Variants in TRMT6 observed in about 807,000 individuals in gnomAD.
TRMT6 encodes tRNA methyltransferase 6 non-catalytic subunit, also known as tRNA (adenine(58)-N(1))-methyltransferase non-catalytic subunit TRM6.
A neutral mutation model predicts 59.0 loss-of-function variants in TRMT6; 34 were observed. The observed-to-expected ratio is 0.58, with a 90% CI of 0.44 to 0.77. The LOEUF is 0.77. Among genes scored for constraint, TRMT6 ranks in the 30% least tolerant of loss-of-function variants. The pLI is 0.00. For missense variants in TRMT6, 575 were observed against 604.5 expected (o/e 0.95, Z 0.51); for synonymous variants, 217 against 210.5 (o/e 1.03, Z -0.27).
intron 10 of TRMT6, 28 bp from the exon 11 acceptor site, chr20:5,938,754 C>T (rs1349272701): frequency 1.2e-6 from 2 of 1,605,330 alleles, no homozygotes; most frequent in Admixed American, 1.7e-5. Flanking sequence ...GACATTCATG[C>T]TTTCCTAAGA....
At chr20:5,944,334 A>T (rs534528651) in intron 3 of TRMT6, 81 bp from the exon 4 acceptor site, 64 of 764,378 alleles carry the variant, frequency 8.4e-5, no homozygotes, top group South Asian at 4.4e-4. Flanking sequence ...TTACCCAAGA[A>T]TGGATCCAAT....
At chr20:5,940,815 G>A (rs2088649349) in intron 10 of TRMT6, among the ~76,000 whole-genome samples, 1 of 139,438 alleles carries the variant, frequency 7.2e-6, no homozygotes, top group East Asian at 2.1e-4. Flanking sequence ...ACAGGGTCAT[G>A]CCCAGCCAAT....
chr20:5,947,133 C>T (rs2088714584), intron 1 of TRMT6, among the ~76,000 whole-genome samples: 1 of 152,194 alleles, frequency 6.6e-6, no homozygotes, highest in African/African-American at 2.4e-5. Context: ...GAAGAGCAAT[C>T]CGAGGCCCAG....
Position 5,949,145 on chromosome 20 carries a change from G to T in TRMT6, c.128+1133C>A, listed in dbSNP as rs181280223. Reference sequence around the variant, plus strand: ...AGGCGGGTGGATCACCTGAGGTCAGGAGTTCGAGATCAGCCTGGCCAACAT... The same window carrying T: ...AGGCGGGTGGATCACCTGAGGTCAGTAGTTCGAGATCAGCCTGGCCAACAT... On this transcript the variant is annotated intron_variant, in intron 1 of 10. Coordinates refer to ENST00000203001, the MANE Select transcript of TRMT6 (RefSeq NM_015939.5). Among the ~76,000 whole-genome samples, 624 of 150,892 alleles carry T rather than the reference G, an allele frequency of 4.1e-3. 3 individuals carry two copies. The highest frequency in any genetic ancestry group is 0.014 in the African/African-American group (590 of 40,798).
At chr20:5,939,905 T>G (rs1257361913) in intron 10 of TRMT6, among the ~76,000 whole-genome samples, 3 of 152,108 alleles carry the variant, frequency 2.0e-5, no homozygotes, top group Non-Finnish European at 4.4e-5. Context: ...CCCTCAGATC[T>G]CCCTTCATGA....
intron 9 of TRMT6, 49 bp from the exon 10 acceptor site, chr20:5,941,188 T>C: frequency 6.2e-7 from 1 of 1,607,766 alleles, no homozygotes; most frequent in Non-Finnish European, 8.5e-7. Context: ...TGGGATGCAG[T>C]TTAAGAATCA....
At position 5,944,265 on chromosome 20, in the gene TRMT6, G is replaced by A; in HGVS notation, c.367-12C>T. The A allele has an allele frequency of 1.4e-6, 2 of 1,459,630 alleles. No homozygotes were observed. The highest frequency in any genetic ancestry group is 1.9e-6 in the Non-Finnish European group (2 of 1,076,668). 90.4% of individuals were successfully genotyped at this position (1,459,630 alleles called of 1,614,324 possible). A position where few individuals can be genotyped will look rare whatever the true frequency, so the allele number is the denominator to read the frequency against. On this transcript the variant is annotated splice_polypyrimidine_tract_variant and intron_variant, in intron 3 of 10. Coordinates refer to ENST00000203001, the MANE Select transcript of TRMT6 (RefSeq NM_015939.5). Reference sequence around the variant, plus strand: ...TGCTGAACTATTTCCTATAAGAAAAGGAGCAAGTAGATTTTCTGAAACTTT... The same window carrying A: ...TGCTGAACTATTTCCTATAAGAAAAAGAGCAAGTAGATTTTCTGAAACTTT...
Position 5,943,568 on chromosome 20 carries a change from G to A in TRMT6, c.658C>T (p.Arg220Ter). ...AGLVLGAMME[R>*]MGGFGSIIQL... ...AAATATTAAATCTTACCTCCCATTC[G>A]TTCCATCATTGCACCCAGCACCAAG... The change falls in exon 6 of 11, where the codon CGA (arginine) becomes TGA (stop). Residue 220 changes from arginine (R) to a stop codon, truncating the protein, a stop_gained. Transcript: ENST00000203001. LOFTEE classifies it high-confidence loss of function. The A allele has an allele frequency of 5.6e-6, 9 of 1,614,042 alleles. No homozygotes were observed. The highest frequency in any genetic ancestry group is 6.8e-6 in the Non-Finnish European group (8 of 1,179,998).
In TRMT6 at chr20:5,940,762, C is replaced by T. The variant is rs142595083; in HGVS notation, c.1302+291G>A. Among the ~76,000 whole-genome samples the T allele has an allele frequency of 6.8e-3, 1,037 of 152,250 alleles. 13 individuals carry two copies. Among genetic ancestry groups the T allele is most frequent in the African/African-American group, 0.023 (940 of 41,536 alleles). ...GCTCCTGAGTAGCTGGGACTACAGG[C>T]ACCTGCCACCATGCTCGACTGATTT... On this transcript the variant is annotated intron_variant, in intron 10 of 10. Transcript: ENST00000203001.
At chr20:5,950,181 T>C (rs2088774103) in intron 1 of TRMT6, 97 bp downstream of exon 1, 1 of 1,340,296 alleles carries the variant, frequency 7.5e-7, no homozygotes, top group Non-Finnish European at 1.0e-6. Context: ...GAGCCAAGAA[T>C]GGCACCCTGG....
intron 8 of TRMT6, 155 bp from the exon 9 acceptor site, chr20:5,941,500 A>G: frequency 1.6e-6 from 1 of 632,650 alleles, no homozygotes; most frequent in Non-Finnish European, 2.7e-6. Flanking sequence ...ACAGAATACA[A>G]TCATGAGCTA....
chr20:5,945,831 A>G lies in TRMT6; in HGVS notation c.256+575T>C, dbSNP rs535849575. Among the ~76,000 whole-genome samples, 10 of 152,346 alleles carry G rather than the reference A, an allele frequency of 6.6e-5. No homozygotes were observed. In the South Asian group the frequency reaches 1.9e-3, roughly 28 times the overall value. ...TTGGACAAGAGGTTGTTAAGAAATA[A>G]TAATAGTAATAGCTAAAATTATGGG... On this transcript the variant is annotated intron_variant, in intron 2 of 10. Coordinates refer to ENST00000203001, the MANE Select transcript of TRMT6 (RefSeq NM_015939.5).
chr20:5,939,711 C>T (rs1009847838), intron 10 of TRMT6, among the ~76,000 whole-genome samples: 1 of 152,106 alleles, frequency 6.6e-6, no homozygotes. Flanking sequence ...ACACTCCAAA[C>T]CTCCCTTCCC....
At chr20:5,949,074 C>T (rs2088739982) in intron 1 of TRMT6, among the ~76,000 whole-genome samples, 1 of 151,934 alleles carries the variant, frequency 6.6e-6, no homozygotes, top group Non-Finnish European at 1.5e-5. Context: ...AAACTGTGGC[C>T]AGGTGCGGTG....
rs1390184678 is a variant in TRMT6 at position 5,941,090 on chromosome 20, T to G, written c.1265A>C (p.Asn422Thr). Residue 422 changes from asparagine (N) to threonine (T), a missense_variant, in exon 10 of 11, where the codon AAC becomes ACC. By Grantham distance (65) the Asn-to-Thr change is moderately conservative. Transcript: ENST00000203001. ...GAGCCAGGTTTCAGACAGCCTGAGGTTGATGACCCCTCCCCTCTCCCGCAG... is the reference window on the plus strand; with the variant it reads ...GAGCCAGGTTTCAGACAGCCTGAGGGTGATGACCCCTCCCCTCTCCCGCAG... The part of the protein sequence containing the change: ...TKLRERGGVI[N>T]LRLSETWLRN... 7.4e-6 allele frequency: 12 copies of G among 1,614,002 alleles called. No individual in the cohort carries two copies. The highest frequency in any genetic ancestry group is 9.3e-6 in the Non-Finnish European group (11 of 1,180,026).
At chr20:5,947,234 C>A in intron 1 of TRMT6, among the ~76,000 whole-genome samples, 1 of 152,212 alleles carries the variant, frequency 6.6e-6, no homozygotes, top group East Asian at 1.9e-4. Flanking sequence ...AAGCCTCATT[C>A]TTTCCACTAT....
chr20:5,940,001 G>A (rs1320403977), intron 10 of TRMT6, among the ~76,000 whole-genome samples: 4 of 152,198 alleles, frequency 2.6e-5, no homozygotes, highest in Non-Finnish European at 5.9e-5. Flanking sequence ...ACCGAGGGAG[G>A]CCATGGGTTG....
Position 5,942,674 on chromosome 20 carries a change from G to C in TRMT6, c.780C>G (p.Asn260Lys), listed in dbSNP as rs370414413. The change falls in exon 7 of 11, where the codon AAC (asparagine) becomes AAG (lysine). Residue 260 changes from asparagine (N) to lysine (K), a missense_variant. Physicochemically the swap from Asn to Lys is moderately conservative, Grantham distance 94. Coordinates refer to ENST00000203001, the MANE Select transcript of TRMT6 (RefSeq NM_015939.5). ...FLSGLYEFPL[N>K]KVDSLLHGTF... ...TTCCATGTAGAAGACTGTCCACTTT[G>C]TTGAGAGGGAATTCATAAAGACCAC... The C allele has an allele frequency of 1.4e-5, 22 of 1,613,998 alleles. No individual in the cohort carries two copies. The South Asian group carries it at 2.4e-4, about 18-fold the overall frequency.
chr20:5,941,908 C>A (rs1480254568), intron 8 of TRMT6, 43 bp downstream of exon 8: 1 of 1,485,424 alleles, frequency 6.7e-7, no homozygotes, highest in Non-Finnish European at 9.4e-7. Context: ...GAAGCAGAGC[C>A]CACATGCACT....
Sources: allele counts gnomAD v4.1 joint callset (sites outside exome capture counted in the v4.1 genomes callset), GRCh38; gene constraint gnomAD v4.1.1; transcripts MANE v1.5; gene names NCBI Gene and HGNC (gene_info 2026-07-23, HGNC 2026-07-21).